NEGR1: variants seen among roughly 807,000 people sequenced by gnomAD.
NEGR1 encodes neuronal growth regulator 1, also known as IgLON family member 4.
NEGR1 carries 10 observed loss-of-function variants against 40.9 expected under a neutral mutation model. The ratio of observed to expected loss-of-function variants is 0.24; its 90% CI spans 0.15 to 0.42. The LOEUF (loss-of-function observed/expected upper bound fraction) is 0.42. NEGR1 is among the 10% of genes least tolerant of loss of function. The probability of loss-of-function intolerance (pLI) is 1.00; values close to 1 mark genes in which losing one functional copy is unlikely to be tolerated. For missense variants in NEGR1, 352 were observed against 438.9 expected (o/e 0.80, Z 1.77); for synonymous variants, 185 against 166.8 (o/e 1.11, Z -0.84).
intron 2 of NEGR1, among the ~76,000 whole-genome samples, chr1:71,931,592 T>C (rs1645856011): frequency 6.6e-6 from 1 of 152,124 alleles, no homozygotes; most frequent in Non-Finnish European, 1.5e-5. Flanking sequence ...AACTCACTTT[T>C]ATAACAAACC....
intron 1 of NEGR1, among the ~76,000 whole-genome samples, chr1:72,020,136 AAGAT>A (rs1646743762): frequency 1.3e-5 from 2 of 152,308 alleles, no homozygotes; most frequent in African/African-American, 4.8e-5. Context: ...GATTTTGAGA[AAGAT>A]AGTTCCAGTA....
intron 6 of NEGR1, among the ~76,000 whole-genome samples, chr1:71,496,603 T>A (rs75136697): frequency 0.07 from 10,164 of 145,240 alleles, 388 homozygotes; most frequent in South Asian, 0.097. Flanking sequence ...TTTTTTTTTT[T>A]ATCCCTAGAT....
rs546822540 is a variant in NEGR1, at chr1:72,135,028, C to T, written c.176+147291G>A. 6.6e-5 allele frequency among the ~76,000 whole-genome samples: 10 copies of T among 150,886 alleles called. No individual in the cohort carries two copies. In the East Asian group the frequency reaches 8.0e-4, roughly 12 times the overall value. On this transcript the variant is annotated intron_variant, in intron 1 of 6. Transcript: ENST00000357731. ...CTGGGATTACAGGCGTGAGCCACTGCGCCTGGCCCGAGATTGAATTTATAA... is the reference window on the plus strand; with the variant it reads ...CTGGGATTACAGGCGTGAGCCACTGTGCCTGGCCCGAGATTGAATTTATAA...
chr1:71,697,161 G>A (rs181064928), intron 4 of NEGR1, among the ~76,000 whole-genome samples: 68 of 151,832 alleles, frequency 4.5e-4, no homozygotes, highest in African/African-American at 1.2e-3. Flanking sequence ...ATAATACCAC[G>A]TGCACATTAT....
intron 4 of NEGR1, among the ~76,000 whole-genome samples, chr1:71,659,462 A>G (rs1340364107): frequency 6.6e-6 from 1 of 152,188 alleles, no homozygotes; most frequent in Non-Finnish European, 1.5e-5. Context: ...TCACAAACAA[A>G]AGCAAAAATT....
chr1:71,490,300 C>T lies in NEGR1; in HGVS notation c.941-82730G>A, dbSNP rs370415156. Among the ~76,000 whole-genome samples, 3 of 152,050 alleles carry T rather than the reference C, an allele frequency of 2.0e-5. No homozygotes were observed. In the East Asian group the frequency reaches 5.8e-4, roughly 29 times the overall value. ...AGAACTAATATGCATTTGGTACCCA[C>T]CTCACTGAATATGAAATCTCATGAC... On this transcript the variant is annotated intron_variant, in intron 6 of 6. Transcript: ENST00000357731.
Position 72,255,939 on chromosome 1 carries a change from T to A in NEGR1, c.176+26380A>T, listed in dbSNP as rs189738457. On this transcript the variant is annotated intron_variant, in intron 1 of 6. Transcript: ENST00000357731. ...AATTAAATAATAGCTTAAAATGATA[T>A]TGAAGTCCCAATCTAGAAGTTTGTA... Among the ~76,000 whole-genome samples, 1,469 of 152,330 alleles carry A rather than the reference T, an allele frequency of 9.6e-3. 12 individuals are homozygous for A. Among genetic ancestry groups the A allele is most frequent in the South Asian group, 0.054 (261 of 4,830 alleles).
chr1:72,159,200 T>C (rs1651467090), intron 1 of NEGR1, among the ~76,000 whole-genome samples: 1 of 152,202 alleles, frequency 6.6e-6, no homozygotes, highest in Admixed American at 6.6e-5. Flanking sequence ...TAAACTTTTA[T>C]TTCTGCCAGA....
chr1:71,992,029 A>G (rs1366305373), intron 1 of NEGR1, among the ~76,000 whole-genome samples: 1 of 151,970 alleles, frequency 6.6e-6, no homozygotes, highest in East Asian at 1.9e-4. Flanking sequence ...TCCTGAGCTC[A>G]GGCAATCTGC....
intron 1 of NEGR1, among the ~76,000 whole-genome samples, chr1:72,164,959 A>C (rs1651715393): frequency 6.6e-6 from 1 of 152,120 alleles, no homozygotes; most frequent in African/African-American, 2.4e-5. Flanking sequence ...CCTTTAGAGT[A>C]TCCTTTAAAA....
chr1:71,761,617 T>C (rs1210960467), intron 3 of NEGR1, among the ~76,000 whole-genome samples: 1 of 152,190 alleles, frequency 6.6e-6, no homozygotes, highest in Non-Finnish European at 1.5e-5. Context: ...ACCCACATGA[T>C]TTCCAAATAT....
chr1:71,427,988 G>T (rs1435001751), intron 6 of NEGR1, among the ~76,000 whole-genome samples: 1 of 40,824 alleles, frequency 2.4e-5, no homozygotes, highest in Non-Finnish European at 5.4e-5. Flanking sequence ...CTGAGAGGCT[G>T]ATAACACACT....
At position 72,282,440 on chromosome 1, in the gene NEGR1, C is replaced by G. The variant is rs762660335; in HGVS notation, c.55G>C (p.Ala19Pro). 6.2e-6 allele frequency: 10 copies of G among 1,613,574 alleles called. No homozygotes were observed. Among genetic ancestry groups the G allele is most frequent in the Non-Finnish European group, 7.6e-6 (9 of 1,179,952 alleles). Residue 19 changes from alanine (A) to proline (P), a missense_variant, in exon 1 of 7, where the codon GCG becomes CCG. Ala to Pro is a conservative substitution (Grantham distance 27). This residue lies in a region of NEGR1 where 81 missense variants were observed against 85.8 expected (regional missense o/e 0.94). Transcript: ENST00000357731. ...AGGCAGCACAGGCTGAGGAGCACCG[C>G]CGCCAGCCACTGGTTCGAGCAACAA... ...GACCSNQWLA[A>P]VLLSLCCLLP...
chr1:71,508,236 A>C (rs1647048795), intron 6 of NEGR1, among the ~76,000 whole-genome samples: 1 of 152,132 alleles, frequency 6.6e-6, no homozygotes. Flanking sequence ...GGTCCCTATT[A>C]AGTGCTCCTG....
At position 71,849,921 on chromosome 1, in the gene NEGR1, T is replaced by G. The variant is rs532439896; in HGVS notation, c.410-73624A>C. 8.5e-5 allele frequency among the ~76,000 whole-genome samples: 13 copies of G among 152,340 alleles called. No individual in the cohort carries two copies. The East Asian group carries it at 2.5e-3, about 29-fold the overall frequency. On this transcript the variant is annotated intron_variant, in intron 2 of 6. Coordinates refer to ENST00000357731, the MANE Select transcript of NEGR1 (RefSeq NM_173808.3). ...ATATAGTGTAAATATAACTTTTATA[T>G]GCACTGGGAAACCCATAAAAATGTG... is the stretch of plus-strand genomic sequence containing the variant.
intron 1 of NEGR1, among the ~76,000 whole-genome samples, chr1:72,260,698 A>G (rs1655425512): frequency 6.6e-6 from 1 of 152,114 alleles, no homozygotes; most frequent in African/African-American, 2.4e-5. Flanking sequence ...TTTTCTAAAT[A>G]GTTGCTCAAA....
At chr1:71,643,738 C>G (rs1651433971) in intron 4 of NEGR1, among the ~76,000 whole-genome samples, 1 of 151,936 alleles carries the variant, frequency 6.6e-6, no homozygotes, top group Non-Finnish European at 1.5e-5. Context: ...ATTTTCCTGA[C>G]TCCAATAAGA....
chr1:71,939,232 G>A (rs925246006), intron 1 of NEGR1, among the ~76,000 whole-genome samples: 5 of 152,010 alleles, frequency 3.3e-5, no homozygotes, highest in African/African-American at 1.2e-4. Flanking sequence ...TTCATTAAAT[G>A]ACCTAATGTA....
At chr1:71,865,744 T>A (rs923776848) in intron 2 of NEGR1, among the ~76,000 whole-genome samples, 1 of 152,166 alleles carries the variant, frequency 6.6e-6, no homozygotes, top group African/African-American at 2.4e-5. Flanking sequence ...AGAACTTAAG[T>A]ATATTAAAAA....
Sources: gnomAD v4.1 joint callset for allele counts (sites outside exome capture counted in the v4.1 genomes callset) on GRCh38, gnomAD v4.1.1 for gene constraint, gnomAD v4.1.1 regional missense constraint, MANE v1.5 for transcripts, NCBI Gene and HGNC (gene_info 2026-07-23, HGNC 2026-07-21) for gene names.